CLIP4: variants seen among roughly 807,000 people sequenced by gnomAD.
CLIP4 encodes the protein CAP-Gly domain-containing linker protein 4.
Under a neutral mutation model 73.1 loss-of-function variants are expected in CLIP4, and 47 were observed. That is an observed-to-expected ratio of 0.64 (90% CI 0.51 to 0.82). CLIP4 has a LOEUF of 0.82. Among genes scored for constraint, CLIP4 ranks in the 40% least tolerant of loss-of-function variants. The pLI is 0.00. For missense variants in CLIP4, 874 were observed against 852.9 expected (o/e 1.02, Z -0.31); for synonymous variants, 306 against 295.4 (o/e 1.04, Z -0.37).
chr2:29,136,400 A>G (rs1173576700), intron 6 of CLIP4, among the ~76,000 whole-genome samples: 1 of 150,964 alleles, frequency 6.6e-6, no homozygotes, highest in African/African-American at 2.4e-5. Flanking sequence ...TTTCTGTTTA[A>G]CCCCCTTGAT....
intron 14 of CLIP4, among the ~76,000 whole-genome samples, chr2:29,170,040 C>G (rs1667903632): frequency 6.6e-6 from 1 of 152,194 alleles, no homozygotes; most frequent in African/African-American, 2.4e-5. Flanking sequence ...GCGTATTTCA[C>G]TTAACCTCCA....
chr2:29,156,596 C>T (rs910769287), intron 10 of CLIP4, among the ~76,000 whole-genome samples, 153 bp downstream of exon 10: 2 of 152,132 alleles, frequency 1.3e-5, no homozygotes, highest in African/African-American at 4.8e-5. Flanking sequence ...TGAAGCAGCT[C>T]ATAGCAAGCT....
intron 1 of CLIP4, among the ~76,000 whole-genome samples, chr2:29,108,356 C>T (rs74505799): frequency 0.047 from 7,209 of 152,268 alleles, 362 homozygotes; most frequent in East Asian, 0.25. Context: ...GGGCTGGCTA[C>T]TAAGTGACTA....
Position 29,163,896 on chromosome 2 carries a change from C to T in CLIP4, c.1600C>T (p.Gln534Ter). Residue 534 changes from glutamine (Q) to a stop codon, truncating the protein, a stop_gained, in exon 13 of 16, where the codon CAG becomes TAG. Coordinates refer to ENST00000320081, the MANE Select transcript of CLIP4 (RefSeq NM_024692.6). LOFTEE classifies it high-confidence loss of function. Reference sequence around the variant, plus strand: ...GAATGATGGTTCAGTTGGAGGTGTGCAGTATTTTAGCTGTTCTCCAAGATA... The same window carrying T: ...GAATGATGGTTCAGTTGGAGGTGTGTAGTATTTTAGCTGTTCTCCAAGATA... The part of the protein sequence containing the change: ...GKNDGSVGGV[Q>*]YFSCSPRYGI... 1 of 1,613,230 alleles carries T rather than the reference C, an allele frequency of 6.2e-7. No individual in the cohort carries two copies. Among genetic ancestry groups the T allele is most frequent in the Non-Finnish European group, 8.5e-7 (1 of 1,179,244 alleles).
Position 29,181,922 on chromosome 2 carries a change from A to C in CLIP4, c.*29A>C. 6.5e-7 allele frequency: 1 copy of C among 1,527,934 alleles called. No homozygotes were observed. The highest frequency in any genetic ancestry group is 8.9e-7 in the Non-Finnish European group (1 of 1,128,592). The allele number at this position is 1,527,934 out of a possible 1,614,324, so 94.6% of individuals were successfully genotyped here. On this transcript the variant is annotated 3_prime_UTR_variant, in exon 16 of 16. Transcript: ENST00000320081. The stretch of plus-strand genomic sequence containing the variant: ...TCTAAAATATTAAATAAGCTCAAAT[A>C]TATATATTTGGTGTAAATAAAGAGT...
At chr2:29,114,030 C>T (rs1558508290), upstream of CLIP4, 2 of 152,234 alleles carry the variant, frequency 1.3e-5, no homozygotes, top group African/African-American at 4.8e-5. Flanking sequence ...GATGCTGAGC[C>T]TGCAGAGACA....
At chr2:29,098,222 C>T (rs115430882) in intron 1 of CLIP4, among the ~76,000 whole-genome samples, 53 of 152,132 alleles carry the variant, frequency 3.5e-4, no homozygotes, top group Non-Finnish European at 5.4e-4. Flanking sequence ...TTTCTTCTTA[C>T]GATCAATGAA....
chr2:29,143,573 GT>G (rs1447886258), intron 6 of CLIP4, 135 bp from the exon 7 acceptor site: 4 of 658,654 alleles, frequency 6.1e-6, no homozygotes, highest in Non-Finnish European at 1.1e-5. Context: ...TCTGCATATT[GT>G]AGGCGTTCAG....
intron 8 of CLIP4, among the ~76,000 whole-genome samples, chr2:29,149,454 A>T: frequency 2.8e-5 from 3 of 107,616 alleles, no homozygotes; most frequent in African/African-American, 3.6e-5. Flanking sequence ...TTTATTCCTT[A>T]CCGATATTTT....
At chr2:29,164,252 A>T (rs945851336) in intron 13 of CLIP4, among the ~76,000 whole-genome samples, 1 of 152,234 alleles carries the variant, frequency 6.6e-6, no homozygotes, top group Non-Finnish European at 1.5e-5. Flanking sequence ...TTAATCTGTC[A>T]TGCAAACAAA....
At chr2:29,119,773 A>G (rs956625158) in intron 1 of CLIP4, among the ~76,000 whole-genome samples, 1 of 152,156 alleles carries the variant, frequency 6.6e-6, no homozygotes, top group African/African-American at 2.4e-5. Flanking sequence ...CCTATTCATC[A>G]TTCAAGACTC....
rs561220149 is a variant in CLIP4, at chr2:29,157,275, A to G, written c.1327A>G (p.Lys443Glu). 1 of 1,614,164 alleles carries G rather than the reference A, an allele frequency of 6.2e-7. No individual in the cohort carries two copies. The highest frequency in any genetic ancestry group is 1.1e-5 in the South Asian group (1 of 91,082). Residue 443 changes from lysine to glutamate, a missense_variant, in exon 11 of 16, where the codon AAA becomes GAA. Coordinates refer to ENST00000320081, the MANE Select transcript of CLIP4 (RefSeq NM_024692.6). The stretch of plus-strand genomic sequence containing the variant: ...GGAACACAGACAGAGCTACCCCAAG[A>G]AACAGAATGCAATCAGCAGTAACAA... ...SLEHRQSYPKKQNAISSNKKT... is the reference protein window; with the variant it reads ...SLEHRQSYPKEQNAISSNKKT...
intron 14 of CLIP4, among the ~76,000 whole-genome samples, chr2:29,169,215 G>A (rs775741790): frequency 3.3e-5 from 5 of 152,044 alleles, no homozygotes; most frequent in Non-Finnish European, 5.9e-5. Context: ...TCACAATTTC[G>A]GAGGCTCTAG....
chr2:29,157,524 T>C, intron 11 of CLIP4, 177 bp downstream of exon 11: 2 of 895,094 alleles, frequency 2.2e-6, no homozygotes, highest in Non-Finnish European at 3.4e-6. Flanking sequence ...TGTTTTGCCG[T>C]CTCAGATATA....
intron 15 of CLIP4, among the ~76,000 whole-genome samples, chr2:29,180,800 A>G (rs1668601131): frequency 6.6e-6 from 1 of 151,570 alleles, no homozygotes; most frequent in African/African-American, 2.4e-5. Flanking sequence ...GTATAAGTGT[A>G]TTTTTTCTAA....
chr2:29,170,288 G>A (rs1388867126), intron 14 of CLIP4, among the ~76,000 whole-genome samples: 1 of 152,136 alleles, frequency 6.6e-6, no homozygotes, highest in African/African-American at 2.4e-5. Context: ...GGAATTGCTG[G>A]ATTATATGAT....
intron 14 of CLIP4, among the ~76,000 whole-genome samples, chr2:29,173,627 G>A (rs892359773): frequency 6.6e-6 from 1 of 152,142 alleles, no homozygotes; most frequent in African/African-American, 2.4e-5. Flanking sequence ...GTGTCAGCTC[G>A]ATAGTATTTT....
intron 6 of CLIP4, among the ~76,000 whole-genome samples, chr2:29,140,765 C>T (rs558736827): frequency 1.3e-3 from 191 of 152,218 alleles, no homozygotes; most frequent in African/African-American, 3.8e-3. Flanking sequence ...TTTTAATGAT[C>T]GCCATTCTAA....
chr2:29,136,978 G>A (rs868613856), intron 6 of CLIP4, among the ~76,000 whole-genome samples: 3 of 151,886 alleles, frequency 2.0e-5, no homozygotes, highest in Admixed American at 6.6e-5. Flanking sequence ...GTAAACGTAT[G>A]GGTCAGCAGT....
Sources: gnomAD v4.1 joint callset for allele counts (sites outside exome capture counted in the v4.1 genomes callset) on GRCh38, gnomAD v4.1.1 for gene constraint, MANE v1.5 for transcripts, NCBI Gene and HGNC (gene_info 2026-07-23, HGNC 2026-07-21) for gene names.